SAMMSON: variants seen among roughly 807,000 people sequenced by gnomAD.
The protein encoded by SAMMSON is survival associated mitochondrial melanoma specific oncogenic non-coding RNA.
At chr3:70,422,396 A>G (rs1195161815) in intron 2 of SAMMSON, among the ~76,000 whole-genome samples, 1 of 151,982 alleles carries the variant, frequency 6.6e-6, no homozygotes, top group African/African-American at 2.4e-5. Flanking sequence ...TACCATATTA[A>G]TATTTTATTA....
chr3:70,177,358 C>T (rs1365491244), intron 4 of SAMMSON, among the ~76,000 whole-genome samples: 2 of 152,276 alleles, frequency 1.3e-5, no homozygotes, highest in East Asian at 3.9e-4. Flanking sequence ...TGAGCACCTA[C>T]CGTGAACTGG....
intron 4 of SAMMSON, among the ~76,000 whole-genome samples, chr3:70,159,310 T>A (rs2067604735): frequency 6.6e-6 from 1 of 152,010 alleles, no homozygotes; most frequent in South Asian, 2.1e-4. Context: ...TATCTCCTAA[T>A]GCTATCCCTC....
intron 4 of SAMMSON, among the ~76,000 whole-genome samples, chr3:70,135,618 G>A (rs1340402828): frequency 2.0e-5 from 3 of 152,134 alleles, no homozygotes; most frequent in Admixed American, 6.5e-5. Flanking sequence ...TAAGCCAAAG[G>A]AAAGCAATCC....
rs138709924 is a variant in SAMMSON, at chr3:70,264,424, A to G, written n.674+14754A>G. Among the ~76,000 whole-genome samples, 786 of 152,370 alleles carry G rather than the reference A, an allele frequency of 5.2e-3. 2 individuals are homozygous for G. Among genetic ancestry groups the G allele is most frequent in the African/African-American group, 0.018 (732 of 41,592 alleles). ...ACAGGGCTTATCCAATGACTGTCTA[A>G]GAACTGAATATCGGCTTGCTAATTA... On this transcript the variant is annotated intron_variant and non_coding_transcript_variant, in intron 6 of 9. Transcript: ENST00000642114.
intron 7 of SAMMSON, among the ~76,000 whole-genome samples, chr3:70,308,665 G>A (rs1487414030): frequency 1.3e-5 from 2 of 152,140 alleles, no homozygotes; most frequent in Admixed American, 6.6e-5. Flanking sequence ...GTGCAGGAGA[G>A]TATTTCTTTT....
At chr3:70,169,342 AG>A (rs1576142183) in intron 4 of SAMMSON, among the ~76,000 whole-genome samples, 2 of 152,044 alleles carry the variant, frequency 1.3e-5, no homozygotes, top group African/African-American at 4.8e-5. Flanking sequence ...ATATCAAAAA[AG>A]CATATGACGT....
intron 6 of SAMMSON, among the ~76,000 whole-genome samples, chr3:70,268,448 C>G (rs1269067208): frequency 7.5e-6 from 1 of 133,352 alleles, no homozygotes; most frequent in Non-Finnish European, 1.5e-5. Flanking sequence ...GCACTCCAGC[C>G]TGGGCAACAG....
intron 2 of SAMMSON, among the ~76,000 whole-genome samples, chr3:70,416,611 G>T (rs956825391): frequency 6.6e-6 from 1 of 151,876 alleles, no homozygotes; most frequent in African/African-American, 2.4e-5. Flanking sequence ...CAGAAATTTT[G>T]CTGTTGTTTT....
intron 3 of SAMMSON, among the ~76,000 whole-genome samples, chr3:70,023,310 A>T (rs1456216151): frequency 6.6e-6 from 1 of 151,782 alleles, no homozygotes; most frequent in Non-Finnish European, 1.5e-5. Context: ...CAAAAAAAAA[A>T]ATTAGCCAGG....
intron 9 of SAMMSON, chr3:70,358,380 T>C (rs1325152918): frequency 1.3e-5 from 2 of 152,174 alleles, no homozygotes; most frequent in African/African-American, 4.8e-5. Flanking sequence ...TGGCAAAAGC[T>C]ATGATTTAGT....
intron 4 of SAMMSON, among the ~76,000 whole-genome samples, chr3:70,245,698 T>TATAC (rs1701700603): frequency 7.2e-6 from 1 of 138,212 alleles, no homozygotes; most frequent in African/African-American, 2.6e-5. Context: ...TATATATATA[T>TATAC]ATATATATAT....
At chr3:70,376,439 T>C (rs1703014893) in intron 9 of SAMMSON, among the ~76,000 whole-genome samples, 1 of 152,198 alleles carries the variant, frequency 6.6e-6, no homozygotes, top group African/African-American at 2.4e-5. Context: ...GCAGAACTGG[T>C]ATGCTTATTT....
chr3:70,070,372 C>A (rs1038905463), intron 3 of SAMMSON: 1 of 151,728 alleles, frequency 6.6e-6, no homozygotes, highest in African/African-American at 2.4e-5. Flanking sequence ...CATTTTATCA[C>A]CTGTATAGAT....
intron 7 of SAMMSON, among the ~76,000 whole-genome samples, chr3:70,335,736 A>C (rs919240019): frequency 3.3e-5 from 5 of 152,020 alleles, no homozygotes; most frequent in Admixed American, 1.3e-4. Flanking sequence ...ACCACCACCA[A>C]CAACAAAACA....
At chr3:70,029,118 T>C (rs892051182) in intron 3 of SAMMSON, among the ~76,000 whole-genome samples, 2 of 152,202 alleles carry the variant, frequency 1.3e-5, no homozygotes, top group Non-Finnish European at 2.9e-5. Context: ...TCACAGCATG[T>C]GATAGGAAGT....
intron 6 of SAMMSON, among the ~76,000 whole-genome samples, chr3:70,264,984 G>A (rs558675268): frequency 2.0e-5 from 3 of 152,184 alleles, no homozygotes; most frequent in Non-Finnish European, 4.4e-5. Context: ...ATCTTACATG[G>A]TGGCAGCAAG....
chr3:70,268,771 A>G (rs1393266774), intron 6 of SAMMSON, among the ~76,000 whole-genome samples: 2 of 152,172 alleles, frequency 1.3e-5, no homozygotes, highest in Non-Finnish European at 2.9e-5. Flanking sequence ...TATCTACTTT[A>G]TATCTGATTA....
At chr3:70,284,601 C>T (rs1211527503) in intron 6 of SAMMSON, among the ~76,000 whole-genome samples, 1 of 152,100 alleles carries the variant, frequency 6.6e-6, no homozygotes, top group African/African-American at 2.4e-5. Context: ...TTTGCAAGGA[C>T]TGAATGGAGC....
chr3:70,296,497 A>G (rs11916870), intron 7 of SAMMSON, among the ~76,000 whole-genome samples: 1 of 152,176 alleles, frequency 6.6e-6, no homozygotes, highest in African/African-American at 2.4e-5. Flanking sequence ...ATAATTTTCC[A>G]AATAAGATAA....
Sources: allele counts gnomAD v4.1 joint callset (sites outside exome capture counted in the v4.1 genomes callset), GRCh38; gene constraint gnomAD v4.1.1; transcripts MANE v1.5; gene names NCBI Gene and HGNC (gene_info 2026-07-23, HGNC 2026-07-21).